C1orf167: variants seen among roughly 807,000 people sequenced by gnomAD.
C1orf167 encodes uncharacterized protein C1orf167.
A neutral mutation model predicts 176.5 loss-of-function variants in C1orf167; 153 were observed. The ratio of observed to expected loss-of-function variants is 0.87; its 90% CI spans 0.76 to 0.99. C1orf167 has a LOEUF of 0.99. C1orf167 is among the 50% of genes least tolerant of loss of function. The pLI is 0.00. For synonymous variants in C1orf167, 594 were observed against 752.7 expected (o/e 0.79, Z 3.45); for missense variants, 1,490 against 1,817.7 (o/e 0.82, Z 3.28).
chr1:11,766,807 C>A lies in C1orf167; in HGVS notation c.1021C>A (p.Pro341Thr). ...GACACGGACCAAGGATTCCCTTAAT[C>A]CTGAGCAGGGGCTCCCTCCTGCCCA... ...LGTRTKDSLNPEQGLPPAHPL... is the reference protein window; with the variant it reads ...LGTRTKDSLNTEQGLPPAHPL... The change falls in exon 3 of 21, where the codon CCT (proline) becomes ACT (threonine). Residue 341 changes from proline to threonine, a missense_variant. By Grantham distance (38) the Pro-to-Thr change is conservative. Coordinates refer to ENST00000688073, the MANE Select transcript of C1orf167 (RefSeq NM_001010881.2). This position sits in a 1 kb window ranked among gnomAD's most constrained non-coding sequence, Gnocchi z 4.5. 3.1e-6 allele frequency: 4 copies of A among 1,289,536 alleles called. No homozygotes were observed. Among genetic ancestry groups the A allele is most frequent in the Non-Finnish European group, 4.0e-6 (4 of 988,734 alleles). 79.9% of individuals were successfully genotyped at this position (1,289,536 alleles called of 1,614,324 possible).
intron 8 of C1orf167, 62 bp downstream of exon 8, chr1:11,772,321 A>T: frequency 8.1e-7 from 1 of 1,238,704 alleles, no homozygotes; most frequent in South Asian, 1.4e-5. Context: ...GCTGAAGTAC[A>T]GTGGCACCAT....
chr1:11,766,244 T>C lies in C1orf167; in HGVS notation c.458T>C (p.Leu153Pro). The change falls in exon 3 of 21, where the codon CTC (leucine) becomes CCC (proline). Residue 153 changes from leucine (L) to proline (P), a missense_variant. By Grantham distance (98) the Leu-to-Pro change is moderately conservative. Coordinates refer to ENST00000688073, the MANE Select transcript of C1orf167 (RefSeq NM_001010881.2). This position sits in a 1 kb window ranked among gnomAD's most constrained non-coding sequence, Gnocchi z 4.5. ...SGPHKLPWGP[L>P]LSQEPLARPS... is the part of the protein sequence containing the mutation. The stretch of plus-strand genomic sequence containing the variant: ...CCCCACAAGCTTCCCTGGGGTCCTC[T>C]CCTATCCCAAGAGCCACTGGCTCGC... 4 of 1,289,734 alleles carry C rather than the reference T, an allele frequency of 3.1e-6. No individual in the cohort carries two copies. The highest frequency in any genetic ancestry group is 4.0e-6 in the Non-Finnish European group (4 of 988,834). 79.9% of individuals were successfully genotyped at this position (1,289,734 alleles called of 1,614,324 possible). A position where few individuals can be genotyped will look rare whatever the true frequency, so the allele number is the denominator to read the frequency against.
chr1:11,784,483 C>T lies in C1orf167; in HGVS notation c.3315C>T (p.Ser1105=), dbSNP rs1643748099. 11 of 1,303,070 alleles carry T rather than the reference C, an allele frequency of 8.4e-6. No homozygotes were observed. Among genetic ancestry groups the T allele is most frequent in the African/African-American group, 1.5e-5 (1 of 65,846 alleles). The allele number at this position is 1,303,070 out of a possible 1,614,324, so 80.7% of individuals were successfully genotyped here. ...AGGCCCAGCAGCAGGCAGGAGAGAG[C>T]GCTGGGGCCCAGGCAGCCCAGTGCT... is the stretch of plus-strand genomic sequence containing the variant. ...HHEAQQQAGE[S]AGAQAAQCWT... Residue 1105 remains serine, a synonymous_variant, in exon 15 of 21, where the codon AGC becomes AGT. Coordinates refer to ENST00000688073, the MANE Select transcript of C1orf167 (RefSeq NM_001010881.2).
intron 16 of C1orf167, chr1:11,786,871 G>A (rs1397982387): frequency 6.6e-6 from 1 of 152,244 alleles, no homozygotes; most frequent in Non-Finnish European, 1.5e-5. Flanking sequence ...ATAAGTTACA[G>A]GGCAATTGCT....
At chr1:11,765,071 A>AAG (rs1449048837) in intron 2 of C1orf167, among the ~76,000 whole-genome samples, 3 of 150,996 alleles carry the variant, frequency 2.0e-5, no homozygotes, top group Non-Finnish European at 4.4e-5. Context: ...AAAAAAAAAA[A>AAG]AAAAAAGAAA....
At position 11,787,965 on chromosome 1, in the gene C1orf167, A is replaced by C; in HGVS notation, c.3766A>C (p.Arg1256=). The part of the protein sequence containing the change: ...SWVPGLPLWT[R]DQGPRAHSSP... ...GGTCCCAGGCCTGCCCCTGTGGACG[A>C]GGGACCAGGGACCAAGAGCGCACTC... Residue 1256 remains arginine (R), a synonymous_variant, in exon 18 of 21, where the codon AGG becomes CGG. Coordinates refer to ENST00000688073, the MANE Select transcript of C1orf167 (RefSeq NM_001010881.2). 1 of 1,304,250 alleles carries C rather than the reference A, an allele frequency of 7.7e-7. No individual in the cohort carries two copies. Among genetic ancestry groups the C allele is most frequent in the Non-Finnish European group, 1.0e-6 (1 of 988,918 alleles). The allele number at this position is 1,304,250 out of a possible 1,614,324, so 80.8% of individuals were successfully genotyped here.
intron 17 of C1orf167, 30 bp downstream of exon 17, chr1:11,787,523 G>A (rs1214127199): frequency 3.1e-6 from 4 of 1,271,138 alleles, no homozygotes; most frequent in Admixed American, 2.5e-5. Flanking sequence ...GGGGACAAAC[G>A]GTGTCTGAAG....
chr1:11,773,067 T>A (rs1218320743), intron 8 of C1orf167, among the ~76,000 whole-genome samples: 1 of 151,862 alleles, frequency 6.6e-6, no homozygotes, highest in Non-Finnish European at 1.5e-5. Flanking sequence ...CCGGCTAATT[T>A]TTTTTGTATT....
At position 11,789,271 on chromosome 1, in the gene C1orf167, C is replaced by T. The variant is rs767153383; in HGVS notation, c.4175C>T (p.Ala1392Val). 1.5e-6 allele frequency: 2 copies of T among 1,303,930 alleles called. No individual in the cohort carries two copies. Among genetic ancestry groups the T allele is most frequent in the South Asian group, 2.5e-5 (2 of 81,012 alleles). 80.8% of individuals were successfully genotyped at this position (1,303,930 alleles called of 1,614,324 possible). Residue 1392 changes from alanine to valine, a missense_variant and splice_region_variant, in exon 21 of 21, where the codon GCC (alanine) becomes GTC (valine). Ala to Val is a moderately conservative substitution (Grantham distance 64). Coordinates refer to ENST00000688073, the MANE Select transcript of C1orf167 (RefSeq NM_001010881.2). ...ATTTCCTCTCCTCCCTGGTTCCAGGCCTTTAAGAAGTGGCACCAACGCCTG... is the reference window on the plus strand; with the variant it reads ...ATTTCCTCTCCTCCCTGGTTCCAGGTCTTTAAGAAGTGGCACCAACGCCTG... ...GSAVTAAGRW[A>V]FKKWHQRLAA...
In C1orf167 at chr1:11,769,120, C is replaced by T; in HGVS notation, c.1690C>T (p.His564Tyr). 1 of 985,936 alleles carries T rather than the reference C, an allele frequency of 1.0e-6. No homozygotes were observed. Among genetic ancestry groups the T allele is most frequent in the Non-Finnish European group, 1.2e-6 (1 of 829,980 alleles). 61.1% of individuals were successfully genotyped at this position (985,936 alleles called of 1,614,324 possible). The change falls in exon 6 of 21, where the codon CAC becomes TAC. Residue 564 changes from histidine to tyrosine, a missense_variant. His to Tyr is a moderately conservative substitution (Grantham distance 83, BLOSUM62 2). Coordinates refer to ENST00000688073, the MANE Select transcript of C1orf167 (RefSeq NM_001010881.2). ...CCCCGCCCAGAGAAGCAGGCTGGAA[C>T]ACACCAGGTTGGTCAGTGTTGCCTG... is the stretch of plus-strand genomic sequence containing the variant. ...VDPAQRSRLE[H>Y]TSPGSLREEE...
rs982127338 is a variant in C1orf167 at position 11,788,389 on chromosome 1, G to A, written c.4078+11G>A. On this transcript the variant is annotated intron_variant, in intron 19 of 20. Coordinates refer to ENST00000688073, the MANE Select transcript of C1orf167 (RefSeq NM_001010881.2). ...CTGGTGCGGACCCTGGTGAGTGGGTGCACCCCTCTCCACACTGACCATCTC... is the reference window on the plus strand; with the variant it reads ...CTGGTGCGGACCCTGGTGAGTGGGTACACCCCTCTCCACACTGACCATCTC... 4 of 1,286,022 alleles carry A rather than the reference G, an allele frequency of 3.1e-6. No homozygotes were observed. Among genetic ancestry groups the A allele is most frequent in the South Asian group, 2.5e-5 (2 of 80,356 alleles). 79.7% of individuals were successfully genotyped at this position (1,286,022 alleles called of 1,614,324 possible).
chr1:11,769,694 T>G (rs1469526100), intron 6 of C1orf167, among the ~76,000 whole-genome samples: 7 of 139,426 alleles, frequency 5.0e-5, no homozygotes, highest in Admixed American at 7.4e-5. Flanking sequence ...TTTTTTGAGA[T>G]GGAGTCTCGC....
Position 11,768,430 on chromosome 1 carries a change from T to A in C1orf167, c.1542+155T>A. On this transcript the variant is annotated intron_variant, in intron 5 of 20. Transcript: ENST00000688073. This position sits in a 1 kb window ranked among gnomAD's most constrained non-coding sequence, Gnocchi z 4.5. ...GTAGTTGTGAGTCCACACACCTGAA[T>A]CAGCTCTGCCTGAGTTCAAATCCTG... 1.6e-6 allele frequency: 1 copy of A among 635,642 alleles called. No homozygotes were observed. The highest frequency in any genetic ancestry group is 2.3e-6 in the Non-Finnish European group (1 of 436,354). The allele number at this position is 635,642 out of a possible 1,614,324, so 39.4% of individuals were successfully genotyped here.
intron 10 of C1orf167, chr1:11,777,625 A>G (rs72640206): frequency 0.11 from 16,548 of 146,918 alleles, 989 homozygotes; most frequent in South Asian, 0.2. Context: ...CACCCTGGAC[A>G]ACAGAGCGAG....
At chr1:11,788,517 A>G in intron 19 of C1orf167, 135 bp from the exon 20 acceptor site, 3 of 1,106,590 alleles carry the variant, frequency 2.7e-6, no homozygotes, top group Non-Finnish European at 3.6e-6. Flanking sequence ...TGCATTCTTA[A>G]TACTCCTCAG....
intron 1 of C1orf167, among the ~76,000 whole-genome samples, chr1:11,763,961 G>A (rs912876700): frequency 6.6e-6 from 1 of 152,218 alleles, no homozygotes; most frequent in Non-Finnish European, 1.5e-5. Flanking sequence ...GGGGCACCAA[G>A]ATGGGAGAGA....
At chr1:11,786,753 GT>G (rs565962962) in intron 16 of C1orf167, 1 of 152,110 alleles carries the variant, frequency 6.6e-6, no homozygotes, top group Non-Finnish European at 1.5e-5. Flanking sequence ...GCTGGTTTTT[GT>G]TTTTTAAATG....
chr1:11,772,785 TC>T (rs1356783824), intron 8 of C1orf167, among the ~76,000 whole-genome samples: 6 of 152,174 alleles, frequency 3.9e-5, no homozygotes, highest in African/African-American at 1.4e-4. Flanking sequence ...AAACTAGCAG[TC>T]CCAAGGGTGT....
At chr1:11,763,987 G>A (rs1043512475) in intron 1 of C1orf167, among the ~76,000 whole-genome samples, 2 of 152,202 alleles carry the variant, frequency 1.3e-5, no homozygotes, top group Admixed American at 6.5e-5. Context: ...TTGCGAGGAC[G>A]GCTGGAGTTC....
Sources: gnomAD v4.1 joint callset for allele counts (sites outside exome capture counted in the v4.1 genomes callset) on GRCh38, gnomAD v4.1.1 for gene constraint, Gnocchi (gnomAD v3.1) non-coding constraint, MANE v1.5 for transcripts, NCBI Gene and HGNC (gene_info 2026-07-23, HGNC 2026-07-21) for gene names.